ZNF382: variants seen among roughly 807,000 people sequenced by gnomAD.
The protein encoded by ZNF382 is KRAB/zinc finger suppressor protein 1.
Under a neutral mutation model 38.8 loss-of-function variants are expected in ZNF382, and 20 were observed. The ratio of observed to expected loss-of-function variants is 0.51; its 90% confidence interval spans 0.36 to 0.75. The LOEUF is 0.75. Among genes scored for constraint, ZNF382 ranks in the 30% least tolerant of loss-of-function variants. The pLI, the probability that ZNF382 is intolerant of heterozygous loss-of-function variation, is 0.00. For synonymous variants in ZNF382, 202 were observed against 223.1 expected (o/e 0.91, Z 0.84); for missense variants, 546 against 654.1 (o/e 0.83, Z 1.80).
rs773141953 is a variant in ZNF382 at position 36,626,955 on chromosome 19, T to C, written c.1058T>C (p.Ile353Thr). The change falls in exon 5 of 5, where the codon ATT becomes ACT. Residue 353 changes from isoleucine to threonine, a missense_variant. Coordinates refer to ENST00000292928, the MANE Select transcript of ZNF382 (RefSeq NM_032825.5). The part of the protein sequence containing the change: ...EKTHIEGKPF[I>T]CIDCGKSFRQ... ...ACACATATAGAGGGGAAACCCTTTA[T>C]TTGTATCGATTGTGGGAAGTCCTTC... 4.3e-6 allele frequency: 7 copies of C among 1,614,086 alleles called. No homozygotes were observed. Among genetic ancestry groups the C allele is most frequent in the Non-Finnish European group, 5.9e-6 (7 of 1,180,040 alleles).
At chr19:36,611,242 A>G (rs1222958258) in intron 4 of ZNF382, among the ~76,000 whole-genome samples, 1 of 152,106 alleles carries the variant, frequency 6.6e-6, no homozygotes, top group Non-Finnish European at 1.5e-5. Flanking sequence ...GTGAGCCAAG[A>G]TCACACCACT....
chr19:36,612,527 C>T (rs969182795), intron 4 of ZNF382, among the ~76,000 whole-genome samples: 3 of 152,102 alleles, frequency 2.0e-5, no homozygotes, highest in African/African-American at 7.2e-5. Context: ...TAGAAACTAC[C>T]ATTTTGGTTT....
intron 4 of ZNF382, among the ~76,000 whole-genome samples, chr19:36,621,813 C>A (rs1460554180): frequency 2.0e-5 from 3 of 152,052 alleles, no homozygotes; most frequent in Non-Finnish European, 4.4e-5. Context: ...GGAACCTGTC[C>A]CCTTAGATTG....
chr19:36,616,360 C>T (rs1330487355), intron 4 of ZNF382, among the ~76,000 whole-genome samples: 2 of 152,128 alleles, frequency 1.3e-5, no homozygotes, highest in African/African-American at 2.4e-5. Context: ...AGTGAGACCT[C>T]GTCTCTAAAT....
rs1252758331 is a variant in ZNF382 at position 36,610,273 on chromosome 19, T to C, written c.139+220T>C. Among the ~76,000 whole-genome samples the C allele has an allele frequency of 2.0e-5, 3 of 152,176 alleles. No individual in the cohort carries two copies. In the East Asian group the frequency reaches 5.8e-4, roughly 29 times the overall value. ...GAGTTCAAGACCAGCCTGGCCAACA[T>C]GGTGAAACCCAGTCTCTACTAAAAA... On this transcript the variant is annotated intron_variant, in intron 3 of 4. Transcript: ENST00000292928.
rs2037067216 is a variant in ZNF382, at chr19:36,610,364, C to T, written c.140-286C>T. On this transcript the variant is annotated intron_variant, in intron 3 of 4. Coordinates refer to ENST00000292928, the MANE Select transcript of ZNF382 (RefSeq NM_032825.5). ...CCCAGCTACTCTGGAGGCTGAAGCA[C>T]GAGAACCACTTGAACCTGGGAGACG... is the stretch of plus-strand genomic sequence containing the variant. 2.7e-5 allele frequency: 10 copies of T among 369,476 alleles called. 1 individual carries two copies. The highest frequency in any genetic ancestry group is 8.8e-5 in the South Asian group (3 of 34,216). 22.9% of individuals were successfully genotyped at this position (369,476 alleles called of 1,614,324 possible).
chr19:36,626,868 A>G lies in ZNF382; in HGVS notation c.971A>G (p.Tyr324Cys). The stretch of plus-strand genomic sequence containing the variant: ...CGAATTCACACAGGTGAAAAACCTT[A>G]TGTTTGCAATCAATGTGGAAAGGCC... ...HQRIHTGEKP[Y>C]VCNQCGKAFR... Residue 324 changes from tyrosine to cysteine, a missense_variant, in exon 5 of 5, where the codon TAT becomes TGT. Tyr to Cys is a radical substitution (Grantham distance 194, BLOSUM62 -2). Transcript: ENST00000292928. 1 of 1,614,230 alleles carries G rather than the reference A, an allele frequency of 6.2e-7. No homozygotes were observed. Among genetic ancestry groups the G allele is most frequent in the Non-Finnish European group, 8.5e-7 (1 of 1,180,030 alleles).
At chr19:36,616,696 A>G (rs146440811) in intron 4 of ZNF382, among the ~76,000 whole-genome samples, 79 of 152,324 alleles carry the variant, frequency 5.2e-4, no homozygotes, top group African/African-American at 1.9e-3. Context: ...GCTGTGGACT[A>G]AATTTTAGGT....
At chr19:36,606,026 C>T (rs2037020515) in intron 1 of ZNF382, among the ~76,000 whole-genome samples, 1 of 152,058 alleles carries the variant, frequency 6.6e-6, no homozygotes, top group African/African-American at 2.4e-5. Context: ...CCTACTGTTA[C>T]TTCTGGTGGT....
At chr19:36,617,890 G>A (rs549154377) in intron 4 of ZNF382, among the ~76,000 whole-genome samples, 3 of 152,274 alleles carry the variant, frequency 2.0e-5, no homozygotes, top group Non-Finnish European at 4.4e-5. Context: ...CCCTTCGGTG[G>A]ACATGCCCAA....
chr19:36,620,529 G>A (rs922284746), intron 4 of ZNF382, among the ~76,000 whole-genome samples: 3 of 152,094 alleles, frequency 2.0e-5, no homozygotes, highest in African/African-American at 7.2e-5. Context: ...CTTTATGAAA[G>A]TCCTGCAAGC....
chr19:36,624,300 T>TG (rs1260218022), intron 4 of ZNF382, among the ~76,000 whole-genome samples: 3 of 152,352 alleles, frequency 2.0e-5, no homozygotes, highest in African/African-American at 7.2e-5. Flanking sequence ...GATTCATTCT[T>TG]GTTGTCATTG....
In ZNF382 at chr19:36,626,918, C is replaced by T; in HGVS notation, c.1021C>T (p.Leu341Phe). The T allele has an allele frequency of 6.2e-7, 1 of 1,614,096 alleles. No individual in the cohort carries two copies. Among genetic ancestry groups the T allele is most frequent in the Non-Finnish European group, 8.5e-7 (1 of 1,179,968 alleles). ...CTTCCGTCAGAAGACAGCCCTCACCCTTCATGAGAAAACACATATAGAGGG... is the reference window on the plus strand; with the variant it reads ...CTTCCGTCAGAAGACAGCCCTCACCTTTCATGAGAAAACACATATAGAGGG... ...KAFRQKTALT[L>F]HEKTHIEGKP... The change falls in exon 5 of 5, where the codon CTT becomes TTT. Residue 341 changes from leucine (L) to phenylalanine (F), a missense_variant. By Grantham distance (22) the Leu-to-Phe change is conservative. Transcript: ENST00000292928.
intron 4 of ZNF382, among the ~76,000 whole-genome samples, chr19:36,618,391 T>C (rs2037142364): frequency 6.6e-6 from 1 of 152,228 alleles, no homozygotes; most frequent in South Asian, 2.1e-4. Context: ...AGCAATGTAG[T>C]TAACCAAGGC....
At position 36,626,463 on chromosome 19, in the gene ZNF382, C is replaced by T; in HGVS notation, c.566C>T (p.Thr189Ile). ...IHPAVNLHKQTERVLSGKQEL... is the reference protein window; with the variant it reads ...IHPAVNLHKQIERVLSGKQEL... ...CCTGCAGTGAATCTCCATAAACAAA[C>T]AGAAAGAGTTCTCAGTGGTAAACAG... The change falls in exon 5 of 5, where the codon ACA (threonine) becomes ATA (isoleucine). Residue 189 changes from threonine to isoleucine, a missense_variant. Coordinates refer to ENST00000292928, the MANE Select transcript of ZNF382 (RefSeq NM_032825.5). 1.2e-6 allele frequency: 2 copies of T among 1,604,474 alleles called. No individual in the cohort carries two copies. Among genetic ancestry groups the T allele is most frequent in the South Asian group, 2.3e-5 (2 of 88,768 alleles).
rs1167097664 is a variant in ZNF382, at chr19:36,629,398, C to T, written c.*1848C>T. The stretch of plus-strand genomic sequence containing the variant: ...GCTGCCAACCATGTAAGTGAGGCCT[C>T]TTGGACATCCAGTCAAGCCTTCAGA... On this transcript the variant is annotated 3_prime_UTR_variant, in exon 5 of 5. Coordinates refer to ENST00000292928, the MANE Select transcript of ZNF382 (RefSeq NM_032825.5). 6.6e-6 allele frequency: 1 copy of T among 152,136 alleles called. No homozygotes were observed. The highest frequency in any genetic ancestry group is 1.5e-5 in the Non-Finnish European group (1 of 68,048). The allele number at this position is 152,136 out of a possible 1,614,324, so 9.4% of individuals were successfully genotyped here. A position where few individuals can be genotyped will look rare whatever the true frequency, so the allele number is the denominator to read the frequency against.
intron 4 of ZNF382, among the ~76,000 whole-genome samples, chr19:36,620,656 A>G (rs1045523144): frequency 1.1e-4 from 16 of 152,232 alleles, no homozygotes; most frequent in African/African-American, 3.4e-4. Context: ...TAATCTGCCA[A>G]CAGAAATATG....
intron 4 of ZNF382, among the ~76,000 whole-genome samples, chr19:36,619,174 A>G (rs1294343065): frequency 6.6e-6 from 1 of 152,210 alleles, no homozygotes. Flanking sequence ...TGGCATTGTA[A>G]CTGGCCTAAG....
At chr19:36,610,464 AAG>A in intron 3 of ZNF382, 184 bp from the exon 4 acceptor site, 1 of 470,510 alleles carries the variant, frequency 2.1e-6, no homozygotes, top group South Asian at 2.9e-5. Context: ...AAAAAAAAAA[AAG>A]AAAAGAAAAG....
Sources: gnomAD v4.1 joint callset for allele counts (sites outside exome capture counted in the v4.1 genomes callset) on GRCh38, gnomAD v4.1.1 for gene constraint, MANE v1.5 for transcripts, NCBI Gene and HGNC (gene_info 2026-07-23, HGNC 2026-07-21) for gene names.